RNF130: variants seen among roughly 807,000 people sequenced by gnomAD.
The protein encoded by RNF130 is E3 ubiquitin-protein ligase RNF130.
A neutral mutation model predicts 44.6 loss-of-function variants in RNF130; 21 were observed. That is an observed-to-expected ratio of 0.47 (90% CI 0.33 to 0.68). The LOEUF (loss-of-function observed/expected upper bound fraction) is 0.68. Ranked by LOEUF, RNF130 falls within the 30% of genes least tolerant of loss-of-function variation. The probability of loss-of-function intolerance (pLI) is 0.02; values close to 1 mark genes in which losing one functional copy is unlikely to be tolerated. For synonymous variants in RNF130, 214 were observed against 210.4 expected, an observed-to-expected ratio of 1.02 and a Z score of -0.15; for missense variants, 479 against 560.6, an observed-to-expected ratio of 0.85 and a Z score of 1.47.
downstream of RNF130, among the ~76,000 whole-genome samples, chr5:179,951,360 T>C (rs182257584): frequency 1.5e-4 from 22 of 150,804 alleles, no homozygotes; most frequent in Middle Eastern, 7.0e-3. Flanking sequence ...TACAGAACAG[T>C]CCATCCAACA....
chr5:180,056,735 G>A lies in RNF130; in HGVS notation c.247+14721C>T, dbSNP rs1178658765. 2.0e-5 allele frequency among the ~76,000 whole-genome samples: 3 copies of A among 152,236 alleles called. No individual in the cohort carries two copies. In the East Asian group the frequency reaches 5.8e-4, roughly 29 times the overall value. ...TATGTGTACAAAAGACACATACAAT[G>A]CTCATGACTGGACTGCATTGTTCTT... On this transcript the variant is annotated intron_variant, in intron 1 of 8. Transcript: ENST00000521389.
chr5:180,024,656 G>C (rs891083024), intron 2 of RNF130, among the ~76,000 whole-genome samples: 3 of 152,182 alleles, frequency 2.0e-5, no homozygotes, highest in African/African-American at 7.2e-5. Context: ...CAGGAGATCT[G>C]TGCTGCATGA....
At chr5:180,052,747 T>C (rs1764715752) in intron 1 of RNF130, among the ~76,000 whole-genome samples, 1 of 152,050 alleles carries the variant, frequency 6.6e-6, no homozygotes, top group Non-Finnish European at 1.5e-5. Flanking sequence ...AGGAAGAGAA[T>C]ACAAGGGAAA....
intron 3 of RNF130, among the ~76,000 whole-genome samples, chr5:179,984,426 G>A (rs1354813422): frequency 6.6e-6 from 1 of 152,098 alleles, no homozygotes; most frequent in African/African-American, 2.4e-5. Context: ...TTTCATAGAT[G>A]CCCTAATAGT....
At chr5:179,956,668 T>TG (rs1394630037) in intron 8 of RNF130, among the ~76,000 whole-genome samples, 1 of 152,252 alleles carries the variant, frequency 6.6e-6, no homozygotes, top group Non-Finnish European at 1.5e-5. Context: ...ATGCCCAGGC[T>TG]GGTTCCTAAG....
intron 7 of RNF130, 102 bp downstream of exon 7, chr5:179,966,704 T>C: frequency 1.0e-6 from 1 of 954,140 alleles, no homozygotes; most frequent in East Asian, 2.6e-5. Flanking sequence ...TTGGTTACAG[T>C]CTGTGTTGCA....
intron 2 of RNF130, among the ~76,000 whole-genome samples, chr5:180,024,236 C>A (rs1195809071): frequency 6.6e-6 from 1 of 151,934 alleles, no homozygotes; most frequent in East Asian, 1.9e-4. Flanking sequence ...TGGGTGGGAT[C>A]CTAGAACAGA....
Position 180,024,632 on chromosome 5 carries a change from A to G in RNF130, c.443-11321T>C, listed in dbSNP as rs182562747. On this transcript the variant is annotated intron_variant, in intron 2 of 8. Coordinates refer to ENST00000521389, the MANE Select transcript of RNF130 (RefSeq NM_018434.6). ...GACACTTTCGGATAAATAAATGTTG[A>G]GAGAATTCATCATCAGGAGATCTGT... 3.1e-3 allele frequency among the ~76,000 whole-genome samples: 465 copies of G among 152,368 alleles called. 13 individuals are homozygous for G. The highest frequency in any genetic ancestry group is 0.029 in the Admixed American group (439 of 15,312).
intron 1 of RNF130, among the ~76,000 whole-genome samples, chr5:180,057,037 AG>A (rs1242990388): frequency 6.6e-6 from 1 of 152,250 alleles, no homozygotes; most frequent in Non-Finnish European, 1.5e-5. Flanking sequence ...CAGGGGTGAG[AG>A]GAGCATGTTT....
intron 1 of RNF130, among the ~76,000 whole-genome samples, chr5:180,055,290 A>AAAAC (rs1561709682): frequency 1.0e-5 from 1 of 100,076 alleles, no homozygotes; most frequent in Non-Finnish European, 2.2e-5. Flanking sequence ...ACAAAAAAAA[A>AAAAC]CAGCAAACAA....
At chr5:179,973,970 C>T (rs73344346) in intron 5 of RNF130, among the ~76,000 whole-genome samples, 38 of 152,260 alleles carry the variant, frequency 2.5e-4, no homozygotes, top group Middle Eastern at 3.4e-3. Flanking sequence ...TGAAATTCAG[C>T]GCCCTCCCCT....
chr5:179,960,791 C>T (rs1293591389), intron 8 of RNF130, among the ~76,000 whole-genome samples: 4 of 151,234 alleles, frequency 2.6e-5, no homozygotes. Context: ...TTATATATGA[C>T]TATCTTACAA....
At chr5:180,020,764 A>T (rs969784588) in intron 2 of RNF130, among the ~76,000 whole-genome samples, 18 of 152,284 alleles carry the variant, frequency 1.2e-4, no homozygotes, top group African/African-American at 4.1e-4. Context: ...CAGAACAGAA[A>T]GCTTTCTTCC....
chr5:180,042,035 C>T (rs888716764), intron 1 of RNF130, among the ~76,000 whole-genome samples: 3 of 152,088 alleles, frequency 2.0e-5, no homozygotes, highest in Admixed American at 2.0e-4. Context: ...AGAACAAGAC[C>T]TTGTCTCAAA....
intron 1 of RNF130, among the ~76,000 whole-genome samples, chr5:180,055,248 C>CAAAAAAAAAAAAAAAAAAAAAAAAAA (rs1205914690): frequency 4.8e-5 from 1 of 20,980 alleles, no homozygotes; most frequent in Non-Finnish European, 7.3e-5. Flanking sequence ...GGTTCTGTCT[C>CAAAAAAAAAAAAAAAAAAAAAAAAAA]AAAAAAAAAA....
intron 1 of RNF130, among the ~76,000 whole-genome samples, chr5:180,067,155 T>C (rs1381530864): frequency 6.6e-6 from 1 of 152,166 alleles, no homozygotes; most frequent in Non-Finnish European, 1.5e-5. Flanking sequence ...CAAGGTGGGG[T>C]GAGGTCAGTG....
chr5:180,015,285 G>A (rs373232025), intron 2 of RNF130: 18 of 501,566 alleles, frequency 3.6e-5, no homozygotes, highest in African/African-American at 1.9e-4. Context: ...GTTGTTCAAC[G>A]GGCCATGATC....
In RNF130 at chr5:179,977,383, A is replaced by C. The variant is rs1395404748; in HGVS notation, c.848+820T>G. 1.3e-5 allele frequency: 2 copies of C among 152,256 alleles called. No homozygotes were observed. The highest frequency in any genetic ancestry group is 4.8e-5 in the African/African-American group (2 of 41,452). The allele number at this position is 152,256 out of a possible 1,614,324, so 9.4% of individuals were successfully genotyped here. ...GTCTCACTGAAGGGCTTGGAGATGT[A>C]GTCTAAGATGGAGAGGAACAAGGGG... On this transcript the variant is annotated intron_variant, in intron 5 of 8. Coordinates refer to ENST00000521389, the MANE Select transcript of RNF130 (RefSeq NM_018434.6). The surrounding 1 kb of genome is among the most constrained non-coding windows in gnomAD (Gnocchi z 4.1).
At chr5:179,949,226 A>G (rs1364009423) in intron 7 of RNF130, among the ~76,000 whole-genome samples, 1 of 151,366 alleles carries the variant, frequency 6.6e-6, no homozygotes, top group Admixed American at 6.6e-5. Flanking sequence ...TGGCCTCCCA[A>G]AGTTGCAGGG....
Sources: gnomAD v4.1 joint callset for allele counts (sites outside exome capture counted in the v4.1 genomes callset) on GRCh38, gnomAD v4.1.1 for gene constraint, Gnocchi (gnomAD v3.1) non-coding constraint, MANE v1.5 for transcripts, NCBI Gene and HGNC (gene_info 2026-07-23, HGNC 2026-07-21) for gene names.